AGAP1: variants seen among roughly 807,000 people sequenced by gnomAD.
AGAP1 encodes the protein ArfGAP with GTPase domain, ankyrin repeat and PH domain 1, also known as arf-GAP with GTPase, ANK repeat and PH domain-containing protein 1.
AGAP1 carries 29 observed loss-of-function variants against 105.3 expected under a neutral mutation model. That is an observed-to-expected ratio of 0.28 (90% CI 0.21 to 0.38). The LOEUF (loss-of-function observed/expected upper bound fraction) is 0.38, where lower values mean the gene tolerates loss of function less well. Ranked by LOEUF, AGAP1 falls within the 10% of genes least tolerant of loss-of-function variation. The pLI, the probability that AGAP1 is intolerant of heterozygous loss-of-function variation, is 1.00. For missense variants in AGAP1, 998 were observed against 1,165.1 expected (o/e 0.86, Z 2.09); for synonymous variants, 509 against 485.9 (o/e 1.05, Z -0.63).
chr2:235,565,402 G>T (rs1312855081), intron 1 of AGAP1, among the ~76,000 whole-genome samples: 1 of 152,132 alleles, frequency 6.6e-6, no homozygotes, highest in Non-Finnish European at 1.5e-5. Context: ...GAATGAAGGG[G>T]GTACTTTAAC....
At position 236,113,256 on chromosome 2, in the gene AGAP1, C is replaced by T. The variant is rs1220435072; in HGVS notation, c.2115-6936C>T. Reference sequence around the variant, plus strand: ...CCCGGGTTCAAGCAATTCTCTGCCTCAGCCCCCCCGAGTAGCTGGGATTAC... The same window carrying T: ...CCCGGGTTCAAGCAATTCTCTGCCTTAGCCCCCCCGAGTAGCTGGGATTAC... On this transcript the variant is annotated intron_variant, in intron 16 of 17. Transcript: ENST00000304032. This position sits in a 1 kb window ranked among gnomAD's most constrained non-coding sequence, Gnocchi z 4.3. Among the ~76,000 whole-genome samples the T allele has an allele frequency of 1.3e-5, 2 of 150,152 alleles. No individual in the cohort carries two copies. Among genetic ancestry groups the T allele is most frequent in the Admixed American group, 1.3e-4 (2 of 15,042 alleles).
intron 11 of AGAP1, among the ~76,000 whole-genome samples, chr2:235,915,022 C>G (rs1559641655): frequency 1.3e-5 from 2 of 152,172 alleles, no homozygotes; most frequent in African/African-American, 2.4e-5. Flanking sequence ...CAAGGCAGCC[C>G]TGACCGTAGG....
chr2:235,696,589 A>G (rs1233695977), intron 1 of AGAP1, among the ~76,000 whole-genome samples: 2 of 152,224 alleles, frequency 1.3e-5, no homozygotes, highest in African/African-American at 4.8e-5. Context: ...ACCTTCTCCC[A>G]GGAGGCTGAT....
intron 1 of AGAP1, among the ~76,000 whole-genome samples, chr2:235,561,036 G>C (rs1944133129): frequency 6.6e-6 from 1 of 152,170 alleles, no homozygotes; most frequent in Admixed American, 6.5e-5. Flanking sequence ...CTTTGGAGTG[G>C]GTGCCGCTGC....
intron 9 of AGAP1, among the ~76,000 whole-genome samples, chr2:235,811,324 C>T (rs1958128156): frequency 6.6e-6 from 1 of 152,206 alleles, no homozygotes; most frequent in South Asian, 2.1e-4. Context: ...TACTTGGTAG[C>T]GTACGCTAGA....
At chr2:235,702,967 A>C (rs1387527145) in intron 1 of AGAP1, among the ~76,000 whole-genome samples, 1 of 50,872 alleles carries the variant, frequency 2.0e-5, no homozygotes, top group Non-Finnish European at 5.0e-5. Context: ...TGGCTCTGTC[A>C]CTCAGGCTGG....
At chr2:235,773,719 G>T (rs370967144) in intron 6 of AGAP1, 12 of 341,816 alleles carry the variant, frequency 3.5e-5, no homozygotes, top group South Asian at 2.6e-4. Context: ...GAATGGACTG[G>T]TGAGTCATGT....
intron 6 of AGAP1, among the ~76,000 whole-genome samples, chr2:235,790,913 C>T (rs1956937258): frequency 6.6e-6 from 1 of 152,180 alleles, no homozygotes; most frequent in African/African-American, 2.4e-5. Flanking sequence ...GCAGGATCTC[C>T]GCAGGTGTGT....
At chr2:235,562,710 T>G (rs75454779) in intron 1 of AGAP1, among the ~76,000 whole-genome samples, 143 of 152,314 alleles carry the variant, frequency 9.4e-4, no homozygotes, top group African/African-American at 2.5e-3. Context: ...TCCGGTCCTC[T>G]GCAGCTGGGT....
chr2:235,696,119 C>T (rs935779761), intron 1 of AGAP1, among the ~76,000 whole-genome samples: 3 of 152,202 alleles, frequency 2.0e-5, no homozygotes, highest in African/African-American at 7.2e-5. Context: ...GATCTCAGCT[C>T]ACTGCAACCT....
chr2:235,518,118 A>T (rs1942471238), intron 1 of AGAP1, among the ~76,000 whole-genome samples: 1 of 152,082 alleles, frequency 6.6e-6, no homozygotes, highest in African/African-American at 2.4e-5. Flanking sequence ...TTTCTTAGAG[A>T]AAGTGCATAA....
intron 13 of AGAP1, among the ~76,000 whole-genome samples, chr2:235,991,604 A>G (rs1285407996): frequency 2.6e-5 from 4 of 152,120 alleles, no homozygotes; most frequent in Non-Finnish European, 5.9e-5. Flanking sequence ...TTATTTTGCG[A>G]GGTTGGTGCA....
Position 235,866,331 on chromosome 2 carries a change from C to T in AGAP1, c.1051-17014C>T, listed in dbSNP as rs540149745. Among the ~76,000 whole-genome samples, 3 of 152,228 alleles carry T rather than the reference C, an allele frequency of 2.0e-5. No individual in the cohort carries two copies. Among genetic ancestry groups the T allele is most frequent in the African/African-American group, 7.2e-5 (3 of 41,528 alleles). On this transcript the variant is annotated intron_variant, in intron 9 of 17. Coordinates refer to ENST00000304032, the MANE Select transcript of AGAP1 (RefSeq NM_001037131.3). The surrounding 1 kb of genome is among the most constrained non-coding windows in gnomAD (Gnocchi z 6.1). The stretch of plus-strand genomic sequence containing the variant: ...AGTCCTGACTCCCCAGAATTCCCAC[C>T]GAGGGAGACAATCCGTGTGTGTGAT...
At chr2:235,676,771 A>G (rs1360478697) in intron 1 of AGAP1, among the ~76,000 whole-genome samples, 2 of 152,324 alleles carry the variant, frequency 1.3e-5, no homozygotes, top group African/African-American at 4.8e-5. Flanking sequence ...TAATGATTTG[A>G]AACAATTATA....
rs2051011965 is a variant in AGAP1 at position 235,900,411 on chromosome 2, C to A, written c.1156-8327C>A. Among the ~76,000 whole-genome samples the A allele has an allele frequency of 7.3e-6, 1 of 136,616 alleles. No homozygotes were observed. The highest frequency in any genetic ancestry group is 1.6e-5 in the Non-Finnish European group (1 of 61,716). The allele number at this position is 136,616 out of a possible 152,430, so 89.6% of individuals were successfully genotyped here. A position where few individuals can be genotyped will look rare whatever the true frequency, so the allele number is the denominator to read the frequency against. ...TTGTGTCTCGGTGGCAGCATTTCTCCCTCTGGAACTAAGACCCCTAGGCCA... is the reference window on the plus strand; with the variant it reads ...TTGTGTCTCGGTGGCAGCATTTCTCACTCTGGAACTAAGACCCCTAGGCCA... On this transcript the variant is annotated intron_variant, in intron 10 of 17. Transcript: ENST00000304032. The surrounding 1 kb of genome is among the most constrained non-coding windows in gnomAD (Gnocchi z 5.5).
Position 235,625,183 on chromosome 2 carries a change from C to T in AGAP1, c.164-83996C>T, listed in dbSNP as rs1946600205. On this transcript the variant is annotated intron_variant, in intron 1 of 17. Coordinates refer to ENST00000304032, the MANE Select transcript of AGAP1 (RefSeq NM_001037131.3). The surrounding 1 kb of genome is among the most constrained non-coding windows in gnomAD (Gnocchi z 4.0). ...CCTGCTCTAGACTCTTGGTGTTGCT[C>T]TTCTTTCCTTCATGACCTTGAACTC... Among the ~76,000 whole-genome samples, 1 of 152,214 alleles carries T rather than the reference C, an allele frequency of 6.6e-6. No individual in the cohort carries two copies. Among genetic ancestry groups the T allele is most frequent in the East Asian group, 1.9e-4 (1 of 5,188 alleles).
chr2:236,112,019 C>G (rs544264217), intron 16 of AGAP1, among the ~76,000 whole-genome samples: 95 of 152,282 alleles, frequency 6.2e-4, no homozygotes, highest in Non-Finnish European at 1.1e-3. Flanking sequence ...GGTCTTCCCT[C>G]GGGCTTTTAC....
rs992657245 is a variant in AGAP1, at chr2:236,045,265, C to T, written c.1892-3794C>T. On this transcript the variant is annotated intron_variant, in intron 15 of 17. Transcript: ENST00000304032. This position sits in a 1 kb window ranked among gnomAD's most constrained non-coding sequence, Gnocchi z 6.9. ...TGGTCTGTCCTCATAGAATCTACGT[C>T]CTGCATTTCTGTGGGCAGGGATTTT... Among the ~76,000 whole-genome samples the T allele has an allele frequency of 6.6e-6, 1 of 152,128 alleles. No individual in the cohort carries two copies. Among genetic ancestry groups the T allele is most frequent in the African/African-American group, 2.4e-5 (1 of 41,422 alleles).
intron 6 of AGAP1, chr2:235,775,793 CT>C (rs1461413673): frequency 3.9e-5 from 6 of 152,128 alleles, no homozygotes; most frequent in African/African-American, 1.4e-4. Flanking sequence ...ATTAATACCC[CT>C]GGAAGTATTT....
Sources: gnomAD v4.1 joint callset for allele counts (sites outside exome capture counted in the v4.1 genomes callset) on GRCh38, gnomAD v4.1.1 for gene constraint, Gnocchi (gnomAD v3.1) non-coding constraint, MANE v1.5 for transcripts, NCBI Gene and HGNC (gene_info 2026-07-23, HGNC 2026-07-21) for gene names.